STARD9: variants seen among roughly 807,000 people sequenced by gnomAD.
The protein encoded by STARD9 is StAR related lipid transfer domain containing 9, also known as stAR-related lipid transfer protein 9.
Under a neutral mutation model 399.8 loss-of-function variants are expected in STARD9, and 346 were observed. That is an observed-to-expected ratio of 0.87 (90% CI 0.79 to 0.95). STARD9 has a LOEUF of 0.95. STARD9 is among the 40% of genes least tolerant of loss of function. STARD9 has a pLI of 0.00. For synonymous variants in STARD9, 2,203 were observed against 2,143.5 expected (o/e 1.03, Z -0.77); for missense variants, 5,832 against 5,667.5 (o/e 1.03, Z -0.93).
rs2060493991 is a variant in STARD9 at position 42,684,164 on chromosome 15, C to T, written c.2586C>T (p.Asp862=). 1 of 1,537,120 alleles carries T rather than the reference C, an allele frequency of 6.5e-7. No individual in the cohort carries two copies. The highest frequency in any genetic ancestry group is 8.7e-7 in the Non-Finnish European group (1 of 1,146,780). ...CTACCACATTGCCACCTAGGCCTGA[C>T]CCTACACACCAAACATCAGAGAAAA... The part of the protein sequence containing the change: ...DPSTTLPPRP[D]PTHQTSEKTS... Residue 862 remains aspartate, a synonymous_variant, in exon 23 of 33, where the codon GAC becomes GAT. Coordinates refer to ENST00000290607, the MANE Select transcript of STARD9 (RefSeq NM_020759.3).
rs75548024 is a variant in STARD9, at chr15:42,595,651, A to G, written c.234+10014A>G. Among the ~76,000 whole-genome samples, 473 of 152,322 alleles carry G rather than the reference A, an allele frequency of 3.1e-3. 11 individuals carry two copies. In the East Asian group the frequency reaches 0.051, roughly 16 times the overall value. ...GTATGTGCTAGGGGAGCTGGGGAGTATGTGGATTCAAAGCAGCATTTTCTC... is the reference window on the plus strand; with the variant it reads ...GTATGTGCTAGGGGAGCTGGGGAGTGTGTGGATTCAAAGCAGCATTTTCTC... On this transcript the variant is annotated intron_variant, in intron 3 of 32. Coordinates refer to ENST00000290607, the MANE Select transcript of STARD9 (RefSeq NM_020759.3).
Position 42,692,365 on chromosome 15 carries a change from A to T in STARD9, c.10787A>T (p.Glu3596Val). The change falls in exon 23 of 33, where the codon GAA becomes GTA. Residue 3596 changes from glutamate to valine, a missense_variant. Physicochemically the swap from Glu to Val is moderately radical, Grantham distance 121. Around this residue, in one of 2 missense-constraint regions of STARD9, gnomAD observed 5,828 missense variants for 5,651.1 expected, o/e 1.03. Coordinates refer to ENST00000290607, the MANE Select transcript of STARD9 (RefSeq NM_020759.3). The stretch of plus-strand genomic sequence containing the variant: ...CCTCAGTTCAGGGGCCCTTCTGGTG[A>T]AGCAGACTGTCTGAGGAGTAAGCCC... ...RRPQFRGPSG[E>V]ADCLRSKPPL... is the part of the protein sequence containing the mutation. 6.5e-7 allele frequency: 1 copy of T among 1,536,924 alleles called. No homozygotes were observed. The highest frequency in any genetic ancestry group is 1.4e-5 in the African/African-American group (1 of 73,126).
rs968173548 is a variant in STARD9 at position 42,688,674 on chromosome 15, A to G, written c.7096A>G (p.Met2366Val). 8 of 1,537,540 alleles carry G rather than the reference A, an allele frequency of 5.2e-6. No individual in the cohort carries two copies. The highest frequency in any genetic ancestry group is 1.4e-5 in the African/African-American group (1 of 73,038). ...SSLDCVLDLT[M>V]LKIHNSPLVT... Reference sequence around the variant, plus strand: ...ACTTGACTGTGTGCTGGATCTCACAATGTTGAAAATTCATAACAGTCCCTT... The same window carrying G: ...ACTTGACTGTGTGCTGGATCTCACAGTGTTGAAAATTCATAACAGTCCCTT... The change falls in exon 23 of 33, where the codon ATG (methionine) becomes GTG (valine). Residue 2366 changes from methionine to valine, a missense_variant. Met to Val is a conservative substitution (Grantham distance 21). Around this residue, in one of 2 missense-constraint regions of STARD9, gnomAD observed 5,828 missense variants for 5,651.1 expected, o/e 1.03. Transcript: ENST00000290607.
chr15:42,690,140 T>A lies in STARD9; in HGVS notation c.8562T>A (p.Asp2854Glu). 1 of 1,537,794 alleles carries A rather than the reference T, an allele frequency of 6.5e-7. No homozygotes were observed. The highest frequency in any genetic ancestry group is 1.2e-5 in the South Asian group (1 of 84,054). Residue 2854 changes from aspartate (D) to glutamate (E), a missense_variant, in exon 23 of 33, where the codon GAT (aspartate) becomes GAA (glutamate). Transcript: ENST00000290607. ...AAGGTAGGGCAAGTCCCAAACAAGA[T>A]ACCATTCTGCCTGGAGCTCTGACAA... Reference protein sequence around the residue: ...FEEGRASPKQDTILPGALTRV... With the variant: ...FEEGRASPKQETILPGALTRV...
Position 42,686,383 on chromosome 15 carries a change from C to A in STARD9, c.4805C>A (p.Ser1602Tyr), listed in dbSNP as rs1325396616. 1 of 1,537,620 alleles carries A rather than the reference C, an allele frequency of 6.5e-7. No individual in the cohort carries two copies. The highest frequency in any genetic ancestry group is 2.0e-5 in the Admixed American group (1 of 51,006). The change falls in exon 23 of 33, where the codon TCT (serine) becomes TAT (tyrosine). Residue 1602 changes from serine to tyrosine, a missense_variant. Around this residue, in one of 2 missense-constraint regions of STARD9, gnomAD observed 5,828 missense variants for 5,651.1 expected, o/e 1.03. Transcript: ENST00000290607. ...TTAGAATCATTGTCTGCTTCTCGAT[C>A]TACAAATGCACAGGTCTTTGCAACA... Reference protein sequence around the residue: ...ADLESLSASRSTNAQVFATEN... With the variant: ...ADLESLSASRYTNAQVFATEN...
chr15:42,601,405 G>A (rs908803193), intron 3 of STARD9, among the ~76,000 whole-genome samples: 6 of 151,784 alleles, frequency 4.0e-5, no homozygotes, highest in African/African-American at 9.7e-5. Context: ...GGTGGCGGCC[G>A]GGCAGAGGGG....
chr15:42,619,297 T>G (rs910242949), intron 3 of STARD9, among the ~76,000 whole-genome samples: 1 of 152,168 alleles, frequency 6.6e-6, no homozygotes, highest in Non-Finnish European at 1.5e-5. Context: ...TTTTTGTTCC[T>G]TTAGTTTTGC....
rs577168290 is a variant in STARD9, at chr15:42,661,234, G to A, written c.770+9G>A. 3.9e-6 allele frequency: 6 copies of A among 1,529,108 alleles called. No individual in the cohort carries two copies. The highest frequency in any genetic ancestry group is 5.3e-6 in the Non-Finnish European group (6 of 1,139,568). The allele number at this position is 1,529,108 out of a possible 1,614,324, so 94.7% of individuals were successfully genotyped here. A position where few individuals can be genotyped will look rare whatever the true frequency, so the allele number is the denominator to read the frequency against. On this transcript the variant is annotated intron_variant, in intron 10 of 32. Coordinates refer to ENST00000290607, the MANE Select transcript of STARD9 (RefSeq NM_020759.3). ...GTGGACCTAGCAGGCAGGTAATTAGGATTTTAAAGCTAAGGGGAATTACTC... is the reference window on the plus strand; with the variant it reads ...GTGGACCTAGCAGGCAGGTAATTAGAATTTTAAAGCTAAGGGGAATTACTC...
At chr15:42,684,045 T>G in intron 22 of STARD9, 71 bp from the exon 23 acceptor site, 1 of 1,453,038 alleles carries the variant, frequency 6.9e-7, no homozygotes, top group South Asian at 1.4e-5. Flanking sequence ...TGGCCTTGTT[T>G]TTAACCTCCT....
In STARD9 at chr15:42,687,166, C is replaced by T. The variant is rs1423264636; in HGVS notation, c.5588C>T (p.Thr1863Ile). Residue 1863 changes from threonine (T) to isoleucine (I), a missense_variant, in exon 23 of 33, where the codon ACA (threonine) becomes ATA (isoleucine). By Grantham distance (89) the Thr-to-Ile change is moderately conservative. Coordinates refer to ENST00000290607, the MANE Select transcript of STARD9 (RefSeq NM_020759.3). Reference sequence around the variant, plus strand: ...AGACATTTTCTCCCCTCTACCAGCACAAAAGTATGTGAATTTGAAAACCAA... The same window carrying T: ...AGACATTTTCTCCCCTCTACCAGCATAAAAGTATGTGAATTTGAAAACCAA... ...QNRHFLPSTS[T>I]KVCEFENQVV... 6 of 1,533,164 alleles carry T rather than the reference C, an allele frequency of 3.9e-6. No homozygotes were observed. Among genetic ancestry groups the T allele is most frequent in the Non-Finnish European group, 5.2e-6 (6 of 1,143,620 alleles). 95.0% of individuals were successfully genotyped at this position (1,533,164 alleles called of 1,614,324 possible).
intron 26 of STARD9, among the ~76,000 whole-genome samples, chr15:42,697,921 C>T (rs1465192215): frequency 6.6e-6 from 1 of 152,106 alleles, no homozygotes. Flanking sequence ...TACCTAGTTC[C>T]TCTCCCTCAC....
At chr15:42,705,911 C>G (rs1204572020) in intron 26 of STARD9, among the ~76,000 whole-genome samples, 2 of 152,064 alleles carry the variant, frequency 1.3e-5, no homozygotes, top group Admixed American at 1.3e-4. Flanking sequence ...TGCCCCCACG[C>G]CTGGCTAATT....
chr15:42,581,966 T>TCAACAA (rs879863919), intron 1 of STARD9, among the ~76,000 whole-genome samples: 1 of 151,882 alleles, frequency 6.6e-6, no homozygotes, highest in Non-Finnish European at 1.5e-5. Context: ...ATCTGTGTCG[T>TCAACAA]CAACAACAAC....
At chr15:42,683,514 T>G (rs1008537222) in intron 22 of STARD9, among the ~76,000 whole-genome samples, 4 of 152,180 alleles carry the variant, frequency 2.6e-5, no homozygotes. Flanking sequence ...CTACCAAAAT[T>G]AAGATTATTT....
intron 1 of STARD9, among the ~76,000 whole-genome samples, chr15:42,580,403 C>T (rs1214577404): frequency 6.6e-6 from 1 of 152,218 alleles, no homozygotes; most frequent in African/African-American, 2.4e-5. Flanking sequence ...CACCAAGCCT[C>T]TGTATCCCTT....
chr15:42,687,493 G>A lies in STARD9; in HGVS notation c.5915G>A (p.Trp1972Ter). 1 of 1,537,104 alleles carries A rather than the reference G, an allele frequency of 6.5e-7. No individual in the cohort carries two copies. The highest frequency in any genetic ancestry group is 8.7e-7 in the Non-Finnish European group (1 of 1,146,900). Residue 1972 changes from tryptophan to a stop codon, truncating the protein, a stop_gained, in exon 23 of 33, where the codon TGG (tryptophan) becomes TAG (stop). Transcript: ENST00000290607. LOFTEE classifies it high-confidence loss of function. The part of the protein sequence containing the change: ...VAQGGGPTPK[W>*]EGKNETGLLE... Reference sequence around the variant, plus strand: ...CAGGGTGGTGGCCCAACCCCTAAGTGGGAAGGGAAAAATGAAACTGGGCTT... The same window carrying A: ...CAGGGTGGTGGCCCAACCCCTAAGTAGGAAGGGAAAAATGAAACTGGGCTT...
intron 22 of STARD9, among the ~76,000 whole-genome samples, chr15:42,683,114 T>C (rs908758684): frequency 2.0e-5 from 3 of 152,242 alleles, no homozygotes; most frequent in Non-Finnish European, 4.4e-5. Context: ...AGGGCTGTAT[T>C]ATCTCCCAGA....
chr15:42,665,334 T>C lies in STARD9; in HGVS notation c.1254+4T>C. 1 of 1,535,548 alleles carries C rather than the reference T, an allele frequency of 6.5e-7. No individual in the cohort carries two copies. Among genetic ancestry groups the C allele is most frequent in the Non-Finnish European group, 8.7e-7 (1 of 1,145,554 alleles). ...CCTGCTGCTGAGCTTTGAACTGGTA[T>C]GCAGACAGTCAGAACCTTTCCGTAC... On this transcript the variant is annotated splice_donor_region_variant and intron_variant, in intron 14 of 32. Coordinates refer to ENST00000290607, the MANE Select transcript of STARD9 (RefSeq NM_020759.3).
chr15:42,639,555 G>C lies in STARD9; in HGVS notation c.559+743G>C, dbSNP rs1211494367. 2.0e-5 allele frequency among the ~76,000 whole-genome samples: 3 copies of C among 152,250 alleles called. No homozygotes were observed. In the East Asian group the frequency reaches 5.8e-4, roughly 29 times the overall value. Reference sequence around the variant, plus strand: ...TATAGGCGAAGTTTTTACCCTTCCAGGCCACTTATAAGAAGTAATATATGG... The same window carrying C: ...TATAGGCGAAGTTTTTACCCTTCCACGCCACTTATAAGAAGTAATATATGG... On this transcript the variant is annotated intron_variant, in intron 7 of 32. Transcript: ENST00000290607.
Sources: allele counts gnomAD v4.1 joint callset (sites outside exome capture counted in the v4.1 genomes callset), GRCh38; gene constraint gnomAD v4.1.1; regional missense constraint gnomAD v4.1.1; transcripts MANE v1.5; gene names NCBI Gene and HGNC (gene_info 2026-07-23, HGNC 2026-07-21).